Variants in CDH9 observed in about 807,000 individuals in gnomAD.
CDH9 encodes cadherin 9.
CDH9 carries 28 observed loss-of-function variants against 70.9 expected under a neutral mutation model. The observed-to-expected ratio is 0.40, with a 90% confidence interval of 0.29 to 0.54. The LOEUF is 0.54. Among genes scored for constraint, CDH9 ranks in the 20% least tolerant of loss-of-function variants. The probability of loss-of-function intolerance (pLI) is 0.59; values close to 1 mark genes in which losing one functional copy is unlikely to be tolerated. For missense variants in CDH9, 874 were observed against 984.4 expected (o/e 0.89, Z 1.50); for synonymous variants, 409 against 343.1 (o/e 1.19, Z -2.12).
At chr5:26,937,662 T>C in intron 2 of CDH9, among the ~76,000 whole-genome samples, 1 of 152,162 alleles carries the variant, frequency 6.6e-6, no homozygotes, top group East Asian at 1.9e-4. Context: ...GCTGTCAATC[T>C]ACAAAAATAT....
intron 2 of CDH9, among the ~76,000 whole-genome samples, chr5:26,943,190 A>G (rs1482764921): frequency 6.6e-6 from 1 of 151,950 alleles, no homozygotes; most frequent in African/African-American, 2.4e-5. Flanking sequence ...GACACCTCAT[A>G]CTCCAACCAC....
chr5:26,900,512 A>T (rs1740836739), intron 7 of CDH9, among the ~76,000 whole-genome samples: 1 of 152,082 alleles, frequency 6.6e-6, no homozygotes, highest in Admixed American at 6.6e-5. Flanking sequence ...GGTGCCCAGC[A>T]TTTACTGAAT....
chr5:26,892,892 G>A lies in CDH9; in HGVS notation c.1254-2328C>T, dbSNP rs1162823992. On this transcript the variant is annotated intron_variant, in intron 7 of 11. Transcript: ENST00000231021. The stretch of plus-strand genomic sequence containing the variant: ...ACTACAGGCGCCCACCACCATGTCC[G>A]GCTAATTTTTTTTTGTATTTTTAGT... Among the ~76,000 whole-genome samples, 5 of 151,934 alleles carry A rather than the reference G, an allele frequency of 3.3e-5. No individual in the cohort carries two copies. In the South Asian group the frequency reaches 6.3e-4, roughly 19 times the overall value.
intron 1 of CDH9, among the ~76,000 whole-genome samples, chr5:26,991,143 G>C (rs1742573309): frequency 6.6e-6 from 1 of 152,288 alleles, no homozygotes; most frequent in African/African-American, 2.4e-5. Context: ...AGATCAGTTA[G>C]GGTCTTTTAC....
chr5:27,028,244 T>C (rs981347108), intron 1 of CDH9: 21 of 151,974 alleles, frequency 1.4e-4, no homozygotes, highest in Non-Finnish European at 2.9e-4. Context: ...CTGGGAATGT[T>C]GGCACGCACC....
Position 26,966,188 on chromosome 5 carries a change from G to A in CDH9, c.228+21918C>T, listed in dbSNP as rs769799455. ...TGATTGATTCAGGATGCAAAGGGCCGGTCTCCGTGTCTAAATTTGGGGCAG... is the reference window on the plus strand; with the variant it reads ...TGATTGATTCAGGATGCAAAGGGCCAGTCTCCGTGTCTAAATTTGGGGCAG... On this transcript the variant is annotated intron_variant, in intron 2 of 11. Transcript: ENST00000231021. Among the ~76,000 whole-genome samples the A allele has an allele frequency of 2.0e-4, 30 of 152,242 alleles. No homozygotes were observed. The East Asian group carries it at 4.5e-3, about 23-fold the overall frequency.
At chr5:26,983,214 T>C (rs980638906) in intron 2 of CDH9, among the ~76,000 whole-genome samples, 7 of 152,106 alleles carry the variant, frequency 4.6e-5, no homozygotes, top group African/African-American at 1.7e-4. Context: ...GAAGAAGAAA[T>C]ATCATGTTGA....
At chr5:26,968,026 C>A (rs1267569849) in intron 2 of CDH9, among the ~76,000 whole-genome samples, 1 of 152,046 alleles carries the variant, frequency 6.6e-6, no homozygotes, top group Non-Finnish European at 1.5e-5. Context: ...TTTCAAATAT[C>A]ATAATCTTTT....
chr5:26,998,632 A>T (rs1742709646), intron 1 of CDH9, among the ~76,000 whole-genome samples: 1 of 152,110 alleles, frequency 6.6e-6, no homozygotes, highest in Non-Finnish European at 1.5e-5. Flanking sequence ...TTAATGTTAA[A>T]TGATGAGTTA....
Position 26,958,770 on chromosome 5 carries a change from T to C in CDH9, c.228+29336A>G, listed in dbSNP as rs145506350. Among the ~76,000 whole-genome samples the C allele has an allele frequency of 6.8e-3, 1,030 of 152,282 alleles. 9 individuals carry two copies. The highest frequency in any genetic ancestry group is 0.024 in the African/African-American group (982 of 41,572). Reference sequence around the variant, plus strand: ...ATAAAAATAAATGGAGATCTAGAAATGCTTTATCTAATAAAAAGCATGCAG... The same window carrying C: ...ATAAAAATAAATGGAGATCTAGAAACGCTTTATCTAATAAAAAGCATGCAG... On this transcript the variant is annotated intron_variant, in intron 2 of 11. Transcript: ENST00000231021.
At chr5:26,921,401 G>A (rs750706889) in intron 2 of CDH9, among the ~76,000 whole-genome samples, 1 of 152,140 alleles carries the variant, frequency 6.6e-6, no homozygotes, top group Non-Finnish European at 1.5e-5. Flanking sequence ...ACAGGAATAA[G>A]CAATGCAGCC....
At chr5:26,929,584 G>A (rs1017387546) in intron 2 of CDH9, among the ~76,000 whole-genome samples, 5 of 151,972 alleles carry the variant, frequency 3.3e-5, no homozygotes, top group African/African-American at 9.7e-5. Flanking sequence ...AGATTTAGAA[G>A]CAACCTAAGT....
Position 26,885,780 on chromosome 5 carries a change from G to A in CDH9, c.1716C>T (p.Asp572=). The part of the protein sequence containing the change: ...STYLLPILIF[D]NDYPIQSSTG... Reference sequence around the variant, plus strand: ...TGCTGCTTTGAATTGGATAATCGTTGTCAAAGATTAAAATCGGCAATAAGT... The same window carrying A: ...TGCTGCTTTGAATTGGATAATCGTTATCAAAGATTAAAATCGGCAATAAGT... The change falls in exon 11 of 12, where the codon GAC becomes GAT. Residue 572 remains aspartate, a synonymous_variant. Coordinates refer to ENST00000231021, the MANE Select transcript of CDH9 (RefSeq NM_016279.4). 6.2e-7 allele frequency: 1 copy of A among 1,613,900 alleles called. No homozygotes were observed. The highest frequency in any genetic ancestry group is 1.1e-5 in the South Asian group (1 of 91,080).
intron 2 of CDH9, among the ~76,000 whole-genome samples, chr5:26,919,529 C>T (rs1351357382): frequency 6.6e-6 from 1 of 152,092 alleles, no homozygotes; most frequent in Non-Finnish European, 1.5e-5. Context: ...GTCCTGGTGC[C>T]TTGCTCGGCT....
chr5:27,003,904 T>C, intron 1 of CDH9, among the ~76,000 whole-genome samples: 1 of 152,026 alleles, frequency 6.6e-6, no homozygotes, highest in African/African-American at 2.4e-5. Context: ...GTAAAATATG[T>C]ACTATACCAA....
At chr5:26,979,192 T>G (rs1742355941) in intron 2 of CDH9, among the ~76,000 whole-genome samples, 1 of 151,640 alleles carries the variant, frequency 6.6e-6, no homozygotes, top group Non-Finnish European at 1.5e-5. Context: ...TTACAATATA[T>G]ATAAGAAAAA....
intron 2 of CDH9, among the ~76,000 whole-genome samples, chr5:26,973,554 A>G (rs1200110020): frequency 6.6e-6 from 1 of 152,126 alleles, no homozygotes; most frequent in East Asian, 1.9e-4. Flanking sequence ...GCAAACATGT[A>G]ATTATATAAC....
rs966393391 is a variant in CDH9, at chr5:26,943,450, T to C, written c.229-27526A>G. On this transcript the variant is annotated intron_variant, in intron 2 of 11. Transcript: ENST00000231021. ...ATCGCTTGAACCTGGGAGGCGGGGG[T>C]TTTGGTGAGCTGAGATCACGCCACT... Among the ~76,000 whole-genome samples the C allele has an allele frequency of 2.7e-5, 4 of 146,510 alleles. No homozygotes were observed. The East Asian group carries it at 8.0e-4, about 29-fold the overall frequency.
intron 2 of CDH9, among the ~76,000 whole-genome samples, chr5:26,940,388 T>C (rs1741639407): frequency 6.6e-6 from 1 of 152,150 alleles, no homozygotes; most frequent in Admixed American, 6.6e-5. Context: ...AAAGGAGCTA[T>C]CTATTTAAAA....
Sources: allele counts gnomAD v4.1 joint callset (sites outside exome capture counted in the v4.1 genomes callset), GRCh38; gene constraint gnomAD v4.1.1; transcripts MANE v1.5; gene names NCBI Gene and HGNC (gene_info 2026-07-23, HGNC 2026-07-21).